The following ASIC2 variants were observed in gnomAD, a reference collection of about 807,000 sequenced individuals.
ASIC2 encodes the protein acid sensing ion channel subunit 2.
ASIC2 carries 25 observed loss-of-function variants against 57.3 expected under a neutral mutation model. The ratio of observed to expected loss-of-function variants is 0.44; its 90% CI spans 0.32 to 0.61. The LOEUF (loss-of-function observed/expected upper bound fraction) is 0.61, where lower values mean the gene tolerates loss of function less well. ASIC2 is among the 20% of genes least tolerant of loss of function. ASIC2 has a pLI of 0.06. For synonymous variants in ASIC2, 319 were observed against 307.5 expected (o/e 1.04, Z -0.39); for missense variants, 641 against 738.1 (o/e 0.87, Z 1.52).
intron 1 of ASIC2, among the ~76,000 whole-genome samples, chr17:33,524,343 G>A (rs527953116): frequency 8.1e-4 from 123 of 152,320 alleles, no homozygotes; most frequent in Admixed American, 1.8e-3. Context: ...AGGAAATGAA[G>A]CCTCTGAGAG....
At chr17:33,750,374 T>A (rs1051908324) in intron 1 of ASIC2, among the ~76,000 whole-genome samples, 3 of 152,196 alleles carry the variant, frequency 2.0e-5, no homozygotes, top group African/African-American at 4.8e-5. Context: ...TGATGAAGAC[T>A]GGATGCTCTT....
In ASIC2 at chr17:33,112,074, G is replaced by A. The variant is rs1218775659; in HGVS notation, c.709-7C>T. On this transcript the variant is annotated splice_polypyrimidine_tract_variant and splice_region_variant and intron_variant, in intron 1 of 9. Transcript: ENST00000225823. ...TCCCATATTTTGTAAACACCTGAAG[G>A]AGAGAAGAGAGAGAGAGAGAGAAGC... 3 of 1,609,656 alleles carry A rather than the reference G, an allele frequency of 1.9e-6. No individual in the cohort carries two copies. The highest frequency in any genetic ancestry group is 1.7e-6 in the Non-Finnish European group (2 of 1,177,756).
intron 1 of ASIC2, among the ~76,000 whole-genome samples, chr17:33,345,636 G>A (rs548477468): frequency 6.6e-6 from 1 of 152,190 alleles, no homozygotes; most frequent in Non-Finnish European, 1.5e-5. Context: ...ACATATTCAA[G>A]TTGGGAACAA....
At chr17:33,922,592 TC>T (rs1915730225) in intron 1 of ASIC2, among the ~76,000 whole-genome samples, 1 of 152,212 alleles carries the variant, frequency 6.6e-6, no homozygotes, top group Non-Finnish European at 1.5e-5. Flanking sequence ...TAATGAACAT[TC>T]TACAAATGTG....
chr17:34,077,797 G>T (rs780829230), intron 1 of ASIC2, among the ~76,000 whole-genome samples: 1 of 152,146 alleles, frequency 6.6e-6, no homozygotes, highest in Non-Finnish European at 1.5e-5. Context: ...CCCAGAGAGA[G>T]TGCGTCCCAG....
At chr17:33,411,094 T>C (rs77133659) in intron 1 of ASIC2, among the ~76,000 whole-genome samples, 16,711 of 152,232 alleles carry the variant, frequency 0.11, 1,001 homozygotes, top group Middle Eastern at 0.16. Context: ...TATGAGTGAA[T>C]GAATGAATGG....
At chr17:34,057,681 G>A (rs1032100880) in intron 1 of ASIC2, among the ~76,000 whole-genome samples, 1 of 152,136 alleles carries the variant, frequency 6.6e-6, no homozygotes, top group African/African-American at 2.4e-5. Context: ...AGAGGCAAGA[G>A]GGTCAAGGAT....
chr17:33,603,689 GA>G (rs1251492548), intron 1 of ASIC2, among the ~76,000 whole-genome samples: 7 of 152,194 alleles, frequency 4.6e-5, no homozygotes, highest in African/African-American at 1.7e-4. Context: ...ATAAAGGACT[GA>G]CCCATCTATA....
rs992883337 is a variant in ASIC2 at position 34,040,218 on chromosome 17, C to CCCGCTCGGCTGGGGG, written c.555+115745_555+115759dup. 1.5e-4 allele frequency among the ~76,000 whole-genome samples: 22 copies of CCCGCTCGGCTGGGGG among 143,382 alleles called. 1 individual carries two copies. Among genetic ancestry groups the CCCGCTCGGCTGGGGG allele is most frequent in the Non-Finnish European group, 1.2e-4 (8 of 66,240 alleles). 94.1% of individuals were successfully genotyped at this position (143,382 alleles called of 152,430 possible). On this transcript the variant is annotated intron_variant, in intron 1 of 9. Transcript: ENST00000359872. Reference sequence around the variant, plus strand: ...CCCAGGCCAGGTCAGGAGGTGGGGGCCCGCTCGGCTGGGGGCCACTCGGGT... The same window carrying CCCGCTCGGCTGGGGG: ...CCCAGGCCAGGTCAGGAGGTGGGGGCCCGCTCGGCTGGGGGCCGCTCGGCTGGGGGCCACTCGGGT...
chr17:33,956,329 G>T (rs1904734402), intron 1 of ASIC2, among the ~76,000 whole-genome samples: 1 of 152,192 alleles, frequency 6.6e-6, no homozygotes, highest in Admixed American at 6.5e-5. Flanking sequence ...GCAAGGCGAG[G>T]CTAGGGTTGT....
intron 1 of ASIC2, among the ~76,000 whole-genome samples, chr17:33,402,102 T>A (rs557660957): frequency 6.6e-6 from 1 of 152,070 alleles, no homozygotes; most frequent in Non-Finnish European, 1.5e-5. Flanking sequence ...TGGACCAAGT[T>A]TCTTGCAAGC....
intron 1 of ASIC2, among the ~76,000 whole-genome samples, chr17:34,149,248 A>T (rs1056059886): frequency 1.6e-4 from 25 of 152,014 alleles, no homozygotes; most frequent in Non-Finnish European, 5.9e-5. Flanking sequence ...CTGGGACTAC[A>T]GGCATGTGCC....
intron 1 of ASIC2, chr17:34,039,329 T>TA (rs1908010385): frequency 6.2e-7 from 1 of 1,613,880 alleles, no homozygotes; most frequent in African/African-American, 1.3e-5. Context: ...GATGAGGGAC[T>TA]GTTTTGCTGA....
At chr17:33,596,898 CAG>C in intron 1 of ASIC2, among the ~76,000 whole-genome samples, 1 of 152,344 alleles carries the variant, frequency 6.6e-6, no homozygotes, top group South Asian at 2.1e-4. Context: ...AAGAGTACTC[CAG>C]AGAGGTTTAG....
At chr17:33,661,050 C>A (rs1907244583) in intron 1 of ASIC2, among the ~76,000 whole-genome samples, 1 of 152,170 alleles carries the variant, frequency 6.6e-6, no homozygotes, top group Non-Finnish European at 1.5e-5. Context: ...GCTAGCCACG[C>A]TCTGACTCTG....
At chr17:33,879,143 C>T (rs1175405280) in intron 1 of ASIC2, among the ~76,000 whole-genome samples, 1 of 152,198 alleles carries the variant, frequency 6.6e-6, no homozygotes, top group East Asian at 1.9e-4. Context: ...GTACCAGCCA[C>T]TGCAAAAACA....
intron 1 of ASIC2, among the ~76,000 whole-genome samples, chr17:33,973,024 C>T (rs1437708482): frequency 1.3e-5 from 2 of 152,322 alleles, no homozygotes; most frequent in East Asian, 3.9e-4. Flanking sequence ...TAGGGCCAGC[C>T]CTGAATGTGG....
intron 1 of ASIC2, among the ~76,000 whole-genome samples, chr17:33,465,372 C>CTTTTT (rs67424466): frequency 2.8e-4 from 25 of 88,200 alleles, no homozygotes; most frequent in Admixed American, 3.4e-4. Flanking sequence ...TTTTCTTTTT[C>CTTTTT]TTTTTTTTTT....
At chr17:33,323,098 A>G (rs1906932839) in intron 1 of ASIC2, among the ~76,000 whole-genome samples, 1 of 152,230 alleles carries the variant, frequency 6.6e-6, no homozygotes, top group Non-Finnish European at 1.5e-5. Context: ...AGTGCAAATT[A>G]GTACAACTGT....
Sources: allele counts gnomAD v4.1 joint callset (sites outside exome capture counted in the v4.1 genomes callset), GRCh38; gene constraint gnomAD v4.1.1; transcripts MANE v1.5; gene names NCBI Gene and HGNC (gene_info 2026-07-23, HGNC 2026-07-21).